The following FADS1 variants were observed in gnomAD, a reference collection of about 807,000 sequenced individuals.
FADS1 encodes the protein fatty acid desaturase 1.
A neutral mutation model predicts 61.6 loss-of-function variants in FADS1; 17 were observed. The observed-to-expected ratio is 0.28, with a 90% CI of 0.19 to 0.41. FADS1 has a LOEUF of 0.41. FADS1 is among the 10% of genes least tolerant of loss of function. FADS1 has a pLI of 1.00. For missense variants in FADS1, 387 were observed against 650.9 expected, an observed-to-expected ratio of 0.59 and a Z score of 4.41; for synonymous variants, 238 against 258.7, an observed-to-expected ratio of 0.92 and a Z score of 0.77.
At position 61,803,693 on chromosome 11, in the gene FADS1, G is replaced by A; in HGVS notation, c.1128C>T (p.Phe376=). ...ACCTGACTATGAAGAAAAGGCCCAGGAAGGCTTTCAGCCCCAATAGTGGCA... is the reference window on the plus strand; with the variant it reads ...ACCTGACTATGAAGAAAAGGCCCAGAAAGGCTTTCAGCCCCAATAGTGGCA... ...TYVPLLGLKA[F]LGLFFIVRFL... is the part of the protein sequence containing the mutation. Residue 376 remains phenylalanine (F), a synonymous_variant, in exon 8 of 12, where the codon TTC becomes TTT. Coordinates refer to ENST00000350997, the MANE Select transcript of FADS1 (RefSeq NM_013402.7). This position sits in a 1 kb window ranked among gnomAD's most constrained non-coding sequence, Gnocchi z 4.3. 1 of 1,613,832 alleles carries A rather than the reference G, an allele frequency of 6.2e-7. No individual in the cohort carries two copies. The highest frequency in any genetic ancestry group is 8.5e-7 in the Non-Finnish European group (1 of 1,179,732).
intron 6 of FADS1, chr11:61,804,982 A>G (rs957184499): frequency 2.4e-5 from 14 of 579,074 alleles, no homozygotes; most frequent in Non-Finnish European, 4.3e-5. Flanking sequence ...TCCCAAGAGG[A>G]TGCCAGGGAA....
chr11:61,803,648 A>G lies in FADS1; in HGVS notation c.1151+22T>C. On this transcript the variant is annotated intron_variant, in intron 8 of 11. Coordinates refer to ENST00000350997, the MANE Select transcript of FADS1 (RefSeq NM_013402.7). The surrounding 1 kb of genome is among the most constrained non-coding windows in gnomAD (Gnocchi z 4.3). Reference sequence around the variant, plus strand: ...CCCAACATTTCCTTCACCAGTCCCTATCCGCCCCCACCGAATACTACCTGA... The same window carrying G: ...CCCAACATTTCCTTCACCAGTCCCTGTCCGCCCCCACCGAATACTACCTGA... 6.3e-7 allele frequency: 1 copy of G among 1,584,384 alleles called. No homozygotes were observed. The highest frequency in any genetic ancestry group is 8.7e-7 in the Non-Finnish European group (1 of 1,152,910).
chr11:61,802,394 G>C lies in FADS1; in HGVS notation c.*17C>G, dbSNP rs1252285031. Reference sequence around the variant, plus strand: ...AGTCTTCCTCCTCTTCTTCCAGACTGGGCAGGGTGGCTGTTGTTATTGGTG... The same window carrying C: ...AGTCTTCCTCCTCTTCTTCCAGACTCGGCAGGGTGGCTGTTGTTATTGGTG... On this transcript the variant is annotated 3_prime_UTR_variant, in exon 12 of 12. Coordinates refer to ENST00000350997, the MANE Select transcript of FADS1 (RefSeq NM_013402.7). The surrounding 1 kb of genome is among the most constrained non-coding windows in gnomAD (Gnocchi z 4.2). 6.4e-7 allele frequency: 1 copy of C among 1,562,852 alleles called. No homozygotes were observed. Among genetic ancestry groups the C allele is most frequent in the East Asian group, 2.4e-5 (1 of 42,492 alleles).
intron 1 of FADS1, chr11:61,814,407 T>A (rs2066956581): frequency 6.6e-6 from 1 of 152,344 alleles, no homozygotes; most frequent in South Asian, 2.1e-4. Flanking sequence ...AGACAGCTTT[T>A]GCCCAAGAAT....
At chr11:61,808,520 G>A (rs1433840795) in intron 5 of FADS1, among the ~76,000 whole-genome samples, 1 of 152,126 alleles carries the variant, frequency 6.6e-6, no homozygotes, top group Non-Finnish European at 1.5e-5. Flanking sequence ...AAAATTTTTG[G>A]AGGACAAGGA....
rs369446157 is a variant in FADS1 at position 61,803,481 on chromosome 11, C to T, written c.1152-22G>A. 6.3e-6 allele frequency: 10 copies of T among 1,586,808 alleles called. No individual in the cohort carries two copies. Among genetic ancestry groups the T allele is most frequent in the Non-Finnish European group, 7.8e-6 (9 of 1,155,290 alleles). ...GAACCTGTTAGATGTATTACACAGA[C>T]AAAAACAGTACACACAGAGCCCAGA... On this transcript the variant is annotated intron_variant, in intron 8 of 11. Coordinates refer to ENST00000350997, the MANE Select transcript of FADS1 (RefSeq NM_013402.7). The surrounding 1 kb of genome is among the most constrained non-coding windows in gnomAD (Gnocchi z 4.3).
chr11:61,813,897 G>GA (rs1303761400), intron 1 of FADS1, among the ~76,000 whole-genome samples: 2 of 151,280 alleles, frequency 1.3e-5, no homozygotes, highest in Admixed American at 1.3e-4. Flanking sequence ...CCCCGGGGGA[G>GA]GGCGGAGCCT....
intron 4 of FADS1, 35 bp from the exon 5 acceptor site, chr11:61,810,914 TC>T (rs1211841438): frequency 3.0e-5 from 48 of 1,613,836 alleles, no homozygotes; most frequent in Non-Finnish European, 4.0e-5. Context: ...ATGAAAAGCT[TC>T]CCCCAAGGCA....
chr11:61,816,344 C>T lies in FADS1; in HGVS notation c.375+211G>A. 2 of 1,598,396 alleles carry T rather than the reference C, an allele frequency of 1.3e-6. No individual in the cohort carries two copies. Among genetic ancestry groups the T allele is most frequent in the East Asian group, 2.2e-5 (1 of 44,866 alleles). On this transcript the variant is annotated intron_variant, in intron 1 of 11. Coordinates refer to ENST00000350997, the MANE Select transcript of FADS1 (RefSeq NM_013402.7). This position sits in a 1 kb window ranked among gnomAD's most constrained non-coding sequence, Gnocchi z 7.0. The stretch of plus-strand genomic sequence containing the variant: ...GTGTGCGTGTTGTTGGCCTCCATCC[C>T]CACTCCCCAGACTCCACTTCTCCAG...
chr11:61,811,316 T>A (rs1031686701), intron 3 of FADS1, among the ~76,000 whole-genome samples: 2 of 152,198 alleles, frequency 1.3e-5, no homozygotes, highest in Non-Finnish European at 2.9e-5. Context: ...ATGACTTTTT[T>A]TTTTTGAGAC....
intron 6 of FADS1, chr11:61,805,113 C>A (rs1591150518): frequency 2.3e-6 from 1 of 429,194 alleles, no homozygotes; most frequent in East Asian, 3.6e-5. Flanking sequence ...TTTCTACATA[C>A]ACACTCCAAG....
In FADS1 at chr11:61,800,697, G is replaced by A. The variant is rs1290476610; in HGVS notation, c.*1714C>T. 1 of 152,364 alleles carries A rather than the reference G, an allele frequency of 6.6e-6. No individual in the cohort carries two copies. 9.4% of individuals were successfully genotyped at this position (152,364 alleles called of 1,614,324 possible). On this transcript the variant is annotated 3_prime_UTR_variant, in exon 12 of 12. Transcript: ENST00000350997. ...CTCTGTCTTTTCCTCCTAGTTTGAG[G>A]TTCTCTTCTCCCAGTGTCTAAAATG...
At position 61,805,051 on chromosome 11, in the gene FADS1, C is replaced by T. The variant is rs1387623460; in HGVS notation, c.977-290G>A. On this transcript the variant is annotated intron_variant, in intron 6 of 11. Transcript: ENST00000350997. ...GGTGCTTGGGAACTCAGGCCCCACGCATGGGACTTGCTCTGCTCCCACACC... is the reference window on the plus strand; with the variant it reads ...GGTGCTTGGGAACTCAGGCCCCACGTATGGGACTTGCTCTGCTCCCACACC... 7.4e-6 allele frequency: 4 copies of T among 537,018 alleles called. No individual in the cohort carries two copies. In the Admixed American group the frequency reaches 1.0e-4, roughly 13 times the overall value. The allele number at this position is 537,018 out of a possible 1,614,324, so 33.3% of individuals were successfully genotyped here. A position where few individuals can be genotyped will look rare whatever the true frequency, so the allele number is the denominator to read the frequency against.
Position 61,815,732 on chromosome 11 carries a change from C to T in FADS1, c.375+823G>A. On this transcript the variant is annotated intron_variant, in intron 1 of 11. Transcript: ENST00000350997. The surrounding 1 kb of genome is among the most constrained non-coding windows in gnomAD (Gnocchi z 6.4). ...GCAGGCCTGGGGCTGGGGCGCGCGC[C>T]GACCCCGCAGTGAGACCAAGGGAAG... 6.3e-6 allele frequency: 1 copy of T among 157,748 alleles called. No individual in the cohort carries two copies. Among genetic ancestry groups the T allele is most frequent in the Non-Finnish European group, 1.4e-5 (1 of 71,266 alleles). 9.8% of individuals were successfully genotyped at this position (157,748 alleles called of 1,614,324 possible). A position where few individuals can be genotyped will look rare whatever the true frequency, so the allele number is the denominator to read the frequency against.
rs1161737047 is a variant in FADS1, at chr11:61,811,144, C to G, written c.685-69G>C. On this transcript the variant is annotated intron_variant, in intron 3 of 11. Coordinates refer to ENST00000350997, the MANE Select transcript of FADS1 (RefSeq NM_013402.7). ...GTGTCGCCTTCACTGACCTCGATGC[C>G]TCCTTCAGCCTCTCCCACTTCCTTC... 3 of 1,082,076 alleles carry G rather than the reference C, an allele frequency of 2.8e-6. No homozygotes were observed. The Admixed American group carries it at 5.5e-5, about 20-fold the overall frequency. The allele number at this position is 1,082,076 out of a possible 1,614,324, so 67.0% of individuals were successfully genotyped here.
chr11:61,806,551 T>C, intron 6 of FADS1, 113 bp downstream of exon 6: 1 of 960,882 alleles, frequency 1.0e-6, no homozygotes, highest in Non-Finnish European at 1.7e-6. Context: ...AGTGGGGTAC[T>C]TCCTCTAGCC....
intron 5 of FADS1, among the ~76,000 whole-genome samples, chr11:61,809,110 C>G (rs537811042): frequency 2.6e-5 from 4 of 152,276 alleles, no homozygotes; most frequent in African/African-American, 9.6e-5. Flanking sequence ...TGCTTACTGT[C>G]CCTGAACATC....
rs1423418448 is a variant in FADS1, at chr11:61,802,821, T to C, written c.1434A>G (p.Ser478=). Residue 478 remains serine (S), a synonymous_variant, in exon 11 of 12, where the codon TCA becomes TCG. Coordinates refer to ENST00000350997, the MANE Select transcript of FADS1 (RefSeq NM_013402.7). This position sits in a 1 kb window ranked among gnomAD's most constrained non-coding sequence, Gnocchi z 4.2. ...CTCACTGGATGATGTCGGCGAAGGC[T>C]GACAGCAGGGGCTTGGACTGGTACT... ...GIEYQSKPLL[S]AFADIIHSLK... is the part of the protein sequence containing the mutation. 1.9e-6 allele frequency: 3 copies of C among 1,614,108 alleles called. No homozygotes were observed. The African/African-American group carries it at 4.0e-5, about 22-fold the overall frequency.
At position 61,802,338 on chromosome 11, in the gene FADS1, T is replaced by C; in HGVS notation, c.*73A>G. ...TGAGTATTAAACTATAGTGGCATTGTCCCTCAAGCTCCCCTCTGCCTTGGC... is the reference window on the plus strand; with the variant it reads ...TGAGTATTAAACTATAGTGGCATTGCCCCTCAAGCTCCCCTCTGCCTTGGC... On this transcript the variant is annotated 3_prime_UTR_variant, in exon 12 of 12. Coordinates refer to ENST00000350997, the MANE Select transcript of FADS1 (RefSeq NM_013402.7). This position sits in a 1 kb window ranked among gnomAD's most constrained non-coding sequence, Gnocchi z 4.2. 7.7e-7 allele frequency: 1 copy of C among 1,298,742 alleles called. No individual in the cohort carries two copies. The highest frequency in any genetic ancestry group is 1.1e-6 in the Non-Finnish European group (1 of 916,638). The allele number at this position is 1,298,742 out of a possible 1,614,324, so 80.5% of individuals were successfully genotyped here. A position where few individuals can be genotyped will look rare whatever the true frequency, so the allele number is the denominator to read the frequency against.
Sources: allele counts gnomAD v4.1 joint callset (sites outside exome capture counted in the v4.1 genomes callset), GRCh38; gene constraint gnomAD v4.1.1; non-coding constraint Gnocchi (gnomAD v3.1); transcripts MANE v1.5; gene names NCBI Gene and HGNC (gene_info 2026-07-23, HGNC 2026-07-21).